ROBO2: variants seen among roughly 807,000 people sequenced by gnomAD.
ROBO2 encodes the protein roundabout homolog 2.
Under a neutral mutation model 160.8 loss-of-function variants are expected in ROBO2, and 53 were observed. That is an observed-to-expected ratio of 0.33 (90% CI 0.26 to 0.41). The LOEUF (loss-of-function observed/expected upper bound fraction) is 0.41, where lower values mean the gene tolerates loss of function less well. Among genes scored for constraint, ROBO2 ranks in the 10% least tolerant of loss-of-function variants. The pLI is 1.00. For synonymous variants in ROBO2, 664 were observed against 611.7 expected (o/e 1.09, Z -1.26); for missense variants, 1,577 against 1,722.4 (o/e 0.92, Z 1.49).
At chr3:75,971,542 A>C (rs979682279) in intron 2 of ROBO2, among the ~76,000 whole-genome samples, 1 of 151,454 alleles carries the variant, frequency 6.6e-6, no homozygotes, top group African/African-American at 2.4e-5. Context: ...ACTTTGTCAA[A>C]CTCTCTATGA....
chr3:77,099,880 T>G (rs998528607), intron 2 of ROBO2, among the ~76,000 whole-genome samples: 1 of 152,078 alleles, frequency 6.6e-6, no homozygotes, highest in Non-Finnish European at 1.5e-5. Context: ...CTAATTTTTA[T>G]TTTTAGGGAA....
intron 1 of ROBO2, among the ~76,000 whole-genome samples, chr3:77,054,095 G>A (rs2065478771): frequency 2.0e-5 from 3 of 152,142 alleles, no homozygotes; most frequent in Admixed American, 2.0e-4. Flanking sequence ...TTAGTACAAA[G>A]AGAGATTCTT....
chr3:77,514,972 C>T (rs1158187302), intron 5 of ROBO2, among the ~76,000 whole-genome samples: 3 of 151,764 alleles, frequency 2.0e-5, no homozygotes, highest in East Asian at 3.9e-4. Context: ...CCAACTATAA[C>T]TGCCTCCATA....
chr3:75,908,420 T>A (rs1249030394), intron 1 of ROBO2, among the ~76,000 whole-genome samples: 6 of 149,802 alleles, frequency 4.0e-5, no homozygotes, highest in Non-Finnish European at 1.5e-5. Flanking sequence ...TAATATAAAT[T>A]TAAGGAGAAA....
chr3:76,381,536 A>T (rs888397342), intron 2 of ROBO2, among the ~76,000 whole-genome samples: 13 of 152,152 alleles, frequency 8.5e-5, no homozygotes, highest in African/African-American at 3.1e-4. Context: ...TTTTTAATAG[A>T]GATGGGGTTT....
At chr3:76,694,032 C>T (rs1034538141) in intron 2 of ROBO2, among the ~76,000 whole-genome samples, 1 of 152,162 alleles carries the variant, frequency 6.6e-6, no homozygotes, top group Non-Finnish European at 1.5e-5. Context: ...CTCCACGTGC[C>T]TACATTTTCA....
chr3:77,122,288 C>A (rs1317839370), intron 2 of ROBO2, among the ~76,000 whole-genome samples: 1 of 152,090 alleles, frequency 6.6e-6, no homozygotes, highest in Non-Finnish European at 1.5e-5. Context: ...AATCTGCTCC[C>A]CAACTCTAAA....
chr3:76,534,053 T>A (rs2108102046), intron 2 of ROBO2, among the ~76,000 whole-genome samples: 1 of 152,292 alleles, frequency 6.6e-6, no homozygotes, highest in East Asian at 1.9e-4. Context: ...ATTCCTGTCT[T>A]TTTATTTATA....
intron 2 of ROBO2, among the ~76,000 whole-genome samples, chr3:76,603,556 G>C (rs977074194): frequency 4.6e-5 from 7 of 151,458 alleles, no homozygotes; most frequent in African/African-American, 1.7e-4. Flanking sequence ...TGAATAGATG[G>C]AGTTTTTTTT....
chr3:77,525,302 G>A (rs2091031898), intron 6 of ROBO2, among the ~76,000 whole-genome samples: 1 of 142,686 alleles, frequency 7.0e-6, no homozygotes, highest in South Asian at 2.4e-4. Flanking sequence ...AATGTATTGT[G>A]ATGTTTCTGC....
chr3:77,182,731 C>A (rs1410599121), intron 2 of ROBO2, among the ~76,000 whole-genome samples: 4 of 152,056 alleles, frequency 2.6e-5, no homozygotes, highest in African/African-American at 9.7e-5. Context: ...GTGCTCTCAA[C>A]AATCTCTCCA....
intron 2 of ROBO2, among the ~76,000 whole-genome samples, chr3:76,665,705 C>G (rs1229147063): frequency 6.6e-6 from 1 of 151,422 alleles, no homozygotes; most frequent in Non-Finnish European, 1.5e-5. Flanking sequence ...GACCAAGACT[C>G]TGAGCTTAAA....
At chr3:77,469,293 G>C (rs754552473) in intron 2 of ROBO2, among the ~76,000 whole-genome samples, 2 of 152,112 alleles carry the variant, frequency 1.3e-5, no homozygotes, top group Non-Finnish European at 2.9e-5. Flanking sequence ...TTTACACTTT[G>C]TACATAGCTC....
intron 2 of ROBO2, among the ~76,000 whole-genome samples, chr3:77,330,736 G>A (rs922574395): frequency 1.3e-5 from 2 of 152,096 alleles, no homozygotes; most frequent in Admixed American, 6.5e-5. Flanking sequence ...TTCAAGGCAG[G>A]CAAAGAAATG....
chr3:76,622,242 GAAAGAAAGAAAGAAAGAAAGAA>G (rs2089207434), intron 2 of ROBO2, among the ~76,000 whole-genome samples: 1 of 92,168 alleles, frequency 1.1e-5, no homozygotes, highest in African/African-American at 4.6e-5. Flanking sequence ...AAGGAAGAAA[GAAAGAAAGAAAGAAAGAAAGAA>G]AGAAAGAAAG....
intron 2 of ROBO2, among the ~76,000 whole-genome samples, chr3:77,107,419 C>T (rs1046708299): frequency 1.1e-4 from 17 of 152,050 alleles, no homozygotes; most frequent in African/African-American, 3.4e-4. Flanking sequence ...TCTTTCTCAC[C>T]GATATTGGCA....
intron 2 of ROBO2, among the ~76,000 whole-genome samples, chr3:77,183,572 C>G (rs1281077608): frequency 2.0e-5 from 3 of 151,912 alleles, no homozygotes; most frequent in Non-Finnish European, 4.4e-5. Flanking sequence ...TAGAAAGAAC[C>G]AACCCTGCTG....
chr3:77,387,240 C>T (rs2074223646), intron 2 of ROBO2, among the ~76,000 whole-genome samples: 1 of 151,170 alleles, frequency 6.6e-6, no homozygotes, highest in Non-Finnish European at 1.5e-5. Context: ...ACCGTAGCTC[C>T]TGCTGTAATC....
intron 5 of ROBO2, among the ~76,000 whole-genome samples, chr3:77,515,723 C>T (rs1035333241): frequency 6.6e-6 from 1 of 151,494 alleles, no homozygotes; most frequent in African/African-American, 2.4e-5. Flanking sequence ...TATATTGTCC[C>T]TTGGTAAAAA....
Sources: allele counts gnomAD v4.1 joint callset (sites outside exome capture counted in the v4.1 genomes callset), GRCh38; gene constraint gnomAD v4.1.1; transcripts MANE v1.5; gene names NCBI Gene and HGNC (gene_info 2026-07-23, HGNC 2026-07-21).